Variants in SIK3 observed in about 807,000 individuals in gnomAD.
The protein encoded by SIK3 is serine/threonine-protein kinase SIK3.
A neutral mutation model predicts 144.2 loss-of-function variants in SIK3; 28 were observed. The observed-to-expected ratio is 0.19, with a 90% CI of 0.14 to 0.27. The LOEUF (loss-of-function observed/expected upper bound fraction) is 0.27, where lower values mean the gene tolerates loss of function less well. Ranked by LOEUF, SIK3 falls within the 10% of genes least tolerant of loss-of-function variation. SIK3 has a pLI of 1.00. For synonymous variants in SIK3, 686 were observed against 676.3 expected, an observed-to-expected ratio of 1.01 and a Z score of -0.22; for missense variants, 1,319 against 1,776.0, an observed-to-expected ratio of 0.74 and a Z score of 4.62.
chr11:117,023,074 G>C (rs74691084), intron 1 of SIK3, among the ~76,000 whole-genome samples: 1 of 152,106 alleles, frequency 6.6e-6, no homozygotes, highest in African/African-American at 2.4e-5. Context: ...TGACAACTAA[G>C]ATAACTAGTG....
At chr11:116,990,182 T>C (rs1950453490) in intron 1 of SIK3, among the ~76,000 whole-genome samples, 1 of 152,174 alleles carries the variant, frequency 6.6e-6, no homozygotes, top group Non-Finnish European at 1.5e-5. Context: ...TACATGTACT[T>C]ACCAATACCA....
chr11:116,972,242 G>A (rs1261030981), intron 1 of SIK3, among the ~76,000 whole-genome samples: 2 of 152,158 alleles, frequency 1.3e-5, no homozygotes, highest in African/African-American at 4.8e-5. Context: ...CTGAATGGCA[G>A]AGGCAGGAAT....
intron 1 of SIK3, among the ~76,000 whole-genome samples, chr11:116,983,737 TG>T (rs1241977548): frequency 6.6e-6 from 1 of 152,112 alleles, no homozygotes; most frequent in Non-Finnish European, 1.5e-5. Flanking sequence ...GCTGTGCCCC[TG>T]TATCTACTGT....
chr11:116,867,820 G>GT lies in SIK3; in HGVS notation c.1952+125_1952+126insA. On this transcript the variant is annotated intron_variant, in intron 15 of 24. Transcript: ENST00000445177. The surrounding 1 kb of genome is among the most constrained non-coding windows in gnomAD (Gnocchi z 4.1). ...TTACTGCAAGGAGCTGAGAAGATGT[G>GT]AGTTCAGGATGACAGCTGGCTTCTA... 1 of 979,694 alleles carries GT rather than the reference G, an allele frequency of 1.0e-6. No individual in the cohort carries two copies. 60.7% of individuals were successfully genotyped at this position (979,694 alleles called of 1,614,324 possible).
At chr11:116,918,823 T>C (rs1219641975) in intron 4 of SIK3, among the ~76,000 whole-genome samples, 1 of 152,234 alleles carries the variant, frequency 6.6e-6, no homozygotes, top group Non-Finnish European at 1.5e-5. Flanking sequence ...AGAATACAAA[T>C]TTGTAAAGTT....
intron 1 of SIK3, among the ~76,000 whole-genome samples, chr11:116,987,510 T>C (rs1712338400): frequency 1.3e-5 from 2 of 152,094 alleles, no homozygotes; most frequent in Admixed American, 1.3e-4. Flanking sequence ...AACAAGATCC[T>C]TGGGGCAGAG....
rs572126989 is a variant in SIK3, at chr11:117,001,826, T to C, written c.274-44762A>G. On this transcript the variant is annotated intron_variant, in intron 1 of 24. Transcript: ENST00000445177. ...ATTAATGAGTCTCCAATGAATACAA[T>C]ACTCTCCCTACCTTCAGTCCACCTT... Among the ~76,000 whole-genome samples the C allele has an allele frequency of 3.9e-5, 6 of 152,314 alleles. No individual in the cohort carries two copies. In the South Asian group the frequency reaches 8.3e-4, roughly 21 times the overall value.
chr11:116,948,434 C>T (rs1211856629), intron 3 of SIK3, among the ~76,000 whole-genome samples: 3 of 152,086 alleles, frequency 2.0e-5, no homozygotes, highest in Admixed American at 6.5e-5. Context: ...CATGCTACCA[C>T]ATCCGGCTAA....
intron 1 of SIK3, among the ~76,000 whole-genome samples, chr11:117,083,839 A>G (rs1212433673): frequency 6.6e-6 from 1 of 152,186 alleles, no homozygotes; most frequent in East Asian, 1.9e-4. Context: ...GAAAATGTCA[A>G]CTTGTTCCAC....
In SIK3 at chr11:116,862,268, C is replaced by A; in HGVS notation, c.2163G>T (p.Lys721Asn). 1 of 1,614,168 alleles carries A rather than the reference C, an allele frequency of 6.2e-7. No homozygotes were observed. Among genetic ancestry groups the A allele is most frequent in the Non-Finnish European group, 8.5e-7 (1 of 1,180,022 alleles). The change falls in exon 17 of 25, where the codon AAG (lysine) becomes AAT (asparagine). Residue 721 changes from lysine (K) to asparagine (N), a missense_variant. Physicochemically the swap from Lys to Asn is moderately conservative, Grantham distance 94. This residue lies in a region of SIK3 where 77 missense variants were observed against 141.9 expected (regional missense o/e 0.54). Coordinates refer to ENST00000445177, the MANE Select transcript of SIK3 (RefSeq NM_001366686.3). ...GGTATAACATATGCTGCTGCTGGGT[C>A]TTCTCCAGGGTTCTTTCATCAATCT... is the stretch of plus-strand genomic sequence containing the variant. ...GGQIDERTLE[K>N]TQQQHMLYQQ...
In SIK3 at chr11:117,013,971, TC is replaced by T. The variant is rs1951408904; in HGVS notation, c.274-56908del. On this transcript the variant is annotated intron_variant, in intron 1 of 24. Coordinates refer to ENST00000445177, the MANE Select transcript of SIK3 (RefSeq NM_001366686.3). The stretch of plus-strand genomic sequence containing the variant: ...GTGTGTTTTATTTCTTTTTTTCTTT[TC>T]TTTTTTTTTTTTTTTTTTTTTTGAG... Among the ~76,000 whole-genome samples the T allele has an allele frequency of 1.2e-4, 9 of 74,034 alleles. 1 individual carries two copies. Among genetic ancestry groups the T allele is most frequent in the Non-Finnish European group, 2.0e-4 (7 of 35,766 alleles). The allele number at this position is 74,034 out of a possible 152,430, so 48.6% of individuals were successfully genotyped here.
rs1555127056 is a variant in SIK3 at position 117,013,905 on chromosome 11, G to GTGTGTGTGTGTGTGTAT, written c.274-56842_274-56841insATACACACACACACACA. 2.3e-4 allele frequency among the ~76,000 whole-genome samples: 11 copies of GTGTGTGTGTGTGTGTAT among 47,242 alleles called. 2 individuals are homozygous for GTGTGTGTGTGTGTGTAT. The highest frequency in any genetic ancestry group is 5.0e-4 in the Non-Finnish European group (10 of 20,160). 31.0% of individuals were successfully genotyped at this position (47,242 alleles called of 152,430 possible). A position where few individuals can be genotyped will look rare whatever the true frequency, so the allele number is the denominator to read the frequency against. On this transcript the variant is annotated intron_variant, in intron 1 of 24. Transcript: ENST00000445177. ...TATAAGTCTCCAGATTCTGAGGGGGGGGGGGGGAGGGTGTGTGTGTGTGTG... is the reference window on the plus strand; with the variant it reads ...TATAAGTCTCCAGATTCTGAGGGGGGTGTGTGTGTGTGTGTATGGGGGGGAGGGTGTGTGTGTGTGTG...
rs35403684 is a variant in SIK3, at chr11:116,984,050, CAAAAAAA to C, written c.274-26993_274-26987del. ...TGGGTGACAGAGCAAGACCCTGACT[CAAAAAAA>C]AAAAAAAAAAAAAAATTAAACCATG... On this transcript the variant is annotated intron_variant, in intron 1 of 24. Transcript: ENST00000445177. Among the ~76,000 whole-genome samples the C allele has an allele frequency of 2.0e-4, 16 of 80,894 alleles. 1 individual carries two copies. The highest frequency in any genetic ancestry group is 3.9e-4 in the African/African-American group (9 of 23,106). The allele number at this position is 80,894 out of a possible 152,430, so 53.1% of individuals were successfully genotyped here. A position where few individuals can be genotyped will look rare whatever the true frequency, so the allele number is the denominator to read the frequency against.
chr11:116,914,648 C>A (rs971040926), intron 4 of SIK3, among the ~76,000 whole-genome samples: 1 of 152,098 alleles, frequency 6.6e-6, no homozygotes, highest in African/African-American at 2.4e-5. Flanking sequence ...ATAATTATAA[C>A]CACTGGATGA....
At position 116,919,708 on chromosome 11, in the gene SIK3, G is replaced by A. The variant is rs962863001; in HGVS notation, c.616+7511C>T. On this transcript the variant is annotated intron_variant, in intron 4 of 24. Transcript: ENST00000445177. ...GGACAAGGACATTAAAATTACTTTC[G>A]AATAGCAATACATTAACCATTTTCA... Among the ~76,000 whole-genome samples the A allele has an allele frequency of 5.3e-5, 8 of 152,150 alleles. No individual in the cohort carries two copies. In the South Asian group the frequency reaches 1.0e-3, roughly 20 times the overall value.
intron 4 of SIK3, among the ~76,000 whole-genome samples, chr11:116,925,894 CAGGAGTGAAAGA>C (rs1947249195): frequency 6.6e-6 from 1 of 152,068 alleles, no homozygotes; most frequent in African/African-American, 2.4e-5. Context: ...TAAGCTAGTG[CAGGAGTGAAAGA>C]ACTTATAAAT....
chr11:117,030,893 C>T (rs1017708799), intron 1 of SIK3, among the ~76,000 whole-genome samples: 9 of 152,148 alleles, frequency 5.9e-5, no homozygotes, highest in African/African-American at 2.2e-4. Context: ...TTTGCAGTTC[C>T]CTAACGGCTA....
chr11:116,955,219 G>A (rs891227362), intron 2 of SIK3, among the ~76,000 whole-genome samples: 8 of 152,082 alleles, frequency 5.3e-5, no homozygotes, highest in Non-Finnish European at 1.2e-4. Context: ...CCAACACAGT[G>A]AAACCCCGTT....
At chr11:116,942,446 T>C (rs1948364565) in intron 3 of SIK3, among the ~76,000 whole-genome samples, 1 of 152,198 alleles carries the variant, frequency 6.6e-6, no homozygotes, top group South Asian at 2.1e-4. Flanking sequence ...TAATGGCACG[T>C]AAATTTTATT....
Sources: allele counts gnomAD v4.1 joint callset (sites outside exome capture counted in the v4.1 genomes callset), GRCh38; gene constraint gnomAD v4.1.1; regional missense constraint gnomAD v4.1.1; non-coding constraint Gnocchi (gnomAD v3.1); transcripts MANE v1.5; gene names NCBI Gene and HGNC (gene_info 2026-07-23, HGNC 2026-07-21).